Variants in MBD5 observed in about 807,000 individuals in gnomAD.
MBD5 encodes the protein methyl-CpG binding domain protein 5, also known as methyl-CpG-binding domain protein 5.
Under a neutral mutation model 117.3 loss-of-function variants are expected in MBD5, and 13 were observed. The ratio of observed to expected loss-of-function variants is 0.11; its 90% CI spans 0.07 to 0.18. The LOEUF (loss-of-function observed/expected upper bound fraction) is 0.18, where lower values mean the gene tolerates loss of function less well. MBD5 is among the 10% of genes least tolerant of loss of function. The pLI is 1.00. For missense variants in MBD5, 1,879 were observed against 2,093.8 expected (o/e 0.90, Z 2.00); for synonymous variants, 727 against 766.4 (o/e 0.95, Z 0.85).
chr2:148,373,398 G>A (rs1703908102), intron 4 of MBD5, among the ~76,000 whole-genome samples: 1 of 152,008 alleles, frequency 6.6e-6, no homozygotes, highest in Non-Finnish European at 1.5e-5. Flanking sequence ...AATGAACCTT[G>A]CTGATTTGGA....
chr2:148,490,454 T>C lies in MBD5; in HGVS notation c.4822T>C (p.Leu1608=), dbSNP rs746684474. ...CCCAGACTCCCCCTCTTCAAATGAA[T>C]TGATACATTATAGACCAAGGACGTT... is the stretch of plus-strand genomic sequence containing the variant. ...RNPDSPSSNE[L]IHYRPRTFNV... is the part of the protein sequence containing the mutation. Residue 1608 remains leucine, a synonymous_variant, in exon 11 of 14, where the codon TTG becomes CTG. Coordinates refer to ENST00000642680, the MANE Select transcript of MBD5 (RefSeq NM_001378120.1). The C allele has an allele frequency of 9.9e-6, 16 of 1,614,200 alleles. No individual in the cohort carries two copies. The East Asian group carries it at 2.0e-4, about 20-fold the overall frequency.
intron 3 of MBD5, among the ~76,000 whole-genome samples, chr2:148,285,096 G>A (rs886628176): frequency 6.6e-6 from 1 of 152,124 alleles, no homozygotes; most frequent in Non-Finnish European, 1.5e-5. Context: ...CCACAAATCT[G>A]AAGCTTAAAA....
chr2:148,482,360 T>C (rs1435218568), intron 8 of MBD5, among the ~76,000 whole-genome samples: 1 of 152,124 alleles, frequency 6.6e-6, no homozygotes, highest in Admixed American at 6.6e-5. Context: ...TACATGATAC[T>C]AATAAAATGG....
chr2:148,226,173 T>C (rs1030338147), intron 2 of MBD5, among the ~76,000 whole-genome samples: 1 of 152,102 alleles, frequency 6.6e-6, no homozygotes, highest in Admixed American at 6.6e-5. Flanking sequence ...GCAGGTTTGT[T>C]ATGTATGTTC....
chr2:148,503,924 C>G (rs1039128468), intron 12 of MBD5, among the ~76,000 whole-genome samples: 2 of 152,150 alleles, frequency 1.3e-5, no homozygotes, highest in Non-Finnish European at 2.9e-5. Context: ...TGTAAAGGAG[C>G]CCTGAAAATG....
chr2:148,093,698 T>C (rs1695996216), intron 1 of MBD5, among the ~76,000 whole-genome samples: 1 of 152,136 alleles, frequency 6.6e-6, no homozygotes, highest in Non-Finnish European at 1.5e-5. Flanking sequence ...ACTATATTAG[T>C]GTACAAGTGT....
chr2:148,504,832 T>C (rs540466313), intron 12 of MBD5, among the ~76,000 whole-genome samples: 2 of 152,102 alleles, frequency 1.3e-5, no homozygotes, highest in South Asian at 4.1e-4. Flanking sequence ...AAGTATCGGA[T>C]GGGAAGATAT....
chr2:148,384,351 C>G (rs1304263404), intron 4 of MBD5, among the ~76,000 whole-genome samples: 5 of 151,910 alleles, frequency 3.3e-5, no homozygotes, highest in Non-Finnish European at 7.4e-5. Flanking sequence ...TGAGGGAACT[C>G]CCATTCACAA....
At chr2:148,324,010 G>T (rs1276844402) in intron 3 of MBD5, among the ~76,000 whole-genome samples, 1 of 152,012 alleles carries the variant, frequency 6.6e-6, no homozygotes, top group Non-Finnish European at 1.5e-5. Context: ...ATCTTGAATT[G>T]ATTTTTGTAT....
intron 4 of MBD5, among the ~76,000 whole-genome samples, chr2:148,448,369 A>G (rs746122070): frequency 4.0e-5 from 6 of 151,774 alleles, no homozygotes; most frequent in Non-Finnish European, 8.8e-5. Context: ...GATTGACTGG[A>G]CTTGAGTGTT....
At chr2:148,397,091 G>GTA (rs1291518066) in intron 4 of MBD5, among the ~76,000 whole-genome samples, 1 of 151,992 alleles carries the variant, frequency 6.6e-6, no homozygotes, top group African/African-American at 2.4e-5. Flanking sequence ...TATTACTCAA[G>GTA]TATATACCTT....
At chr2:148,199,535 G>A (rs1699082313) in intron 2 of MBD5, among the ~76,000 whole-genome samples, 1 of 152,080 alleles carries the variant, frequency 6.6e-6, no homozygotes, top group Non-Finnish European at 1.5e-5. Context: ...TTGGGAGGCC[G>A]AGGTGGATGG....
intron 4 of MBD5, among the ~76,000 whole-genome samples, chr2:148,420,088 T>C (rs1705554092): frequency 6.6e-6 from 1 of 152,174 alleles, no homozygotes; most frequent in African/African-American, 2.4e-5. Context: ...TTTTCTGACC[T>C]GATACAAAAT....
At chr2:148,251,812 A>C (rs1453395085) in intron 3 of MBD5, among the ~76,000 whole-genome samples, 1 of 152,336 alleles carries the variant, frequency 6.6e-6, no homozygotes, top group East Asian at 1.9e-4. Flanking sequence ...CTGTATGCCC[A>C]AAAAGACAGG....
At chr2:148,381,413 G>C (rs997632060) in intron 4 of MBD5, among the ~76,000 whole-genome samples, 12 of 152,098 alleles carry the variant, frequency 7.9e-5, no homozygotes, top group African/African-American at 2.9e-4. Flanking sequence ...AGAGAAAAAA[G>C]AATAAAAAGA....
chr2:148,401,091 C>T (rs934926795), intron 4 of MBD5, among the ~76,000 whole-genome samples: 5 of 152,060 alleles, frequency 3.3e-5, no homozygotes, highest in African/African-American at 4.8e-5. Flanking sequence ...AATGACTTTG[C>T]GAAATACCTT....
At chr2:148,130,515 T>C (rs1406602918) in intron 1 of MBD5, among the ~76,000 whole-genome samples, 1 of 151,656 alleles carries the variant, frequency 6.6e-6, no homozygotes, top group African/African-American at 2.4e-5. Context: ...GTATGAAACA[T>C]TTGTATTGGA....
At chr2:148,167,684 C>T (rs1010034890) in intron 1 of MBD5, among the ~76,000 whole-genome samples, 2 of 152,110 alleles carry the variant, frequency 1.3e-5, no homozygotes, top group African/African-American at 4.8e-5. Flanking sequence ...TTAGGATCTC[C>T]TAATTTTTGT....
chr2:148,306,282 G>A lies in MBD5; in HGVS notation c.-679-35932G>A, dbSNP rs1262419798. Among the ~76,000 whole-genome samples, 4 of 152,106 alleles carry A rather than the reference G, an allele frequency of 2.6e-5. No homozygotes were observed. In the East Asian group the frequency reaches 7.7e-4, roughly 29 times the overall value. On this transcript the variant is annotated intron_variant, in intron 3 of 13. Coordinates refer to ENST00000642680, the MANE Select transcript of MBD5 (RefSeq NM_001378120.1). ...ACCCTGTAAGCCAGGTACCAGGCTG[G>A]TATCTTAAGAGGGCTTTGTAAGCAT...
Sources: gnomAD v4.1 joint callset for allele counts (sites outside exome capture counted in the v4.1 genomes callset) on GRCh38, gnomAD v4.1.1 for gene constraint, MANE v1.5 for transcripts, NCBI Gene and HGNC (gene_info 2026-07-23, HGNC 2026-07-21) for gene names.